KNG1: variants seen among roughly 807,000 people sequenced by gnomAD.
KNG1 encodes the protein kininogen-1.
Under a neutral mutation model 47.8 loss-of-function variants are expected in KNG1, and 23 were observed. The observed-to-expected ratio is 0.48, with a 90% CI of 0.35 to 0.68. The LOEUF (loss-of-function observed/expected upper bound fraction) is 0.68, where lower values mean the gene tolerates loss of function less well. Ranked by LOEUF, KNG1 falls within the 30% of genes least tolerant of loss-of-function variation. The pLI, the probability that KNG1 is intolerant of heterozygous loss-of-function variation, is 0.01. For missense variants in KNG1, 762 were observed against 790.2 expected, an observed-to-expected ratio of 0.96 and a Z score of 0.43; for synonymous variants, 277 against 277.0, an observed-to-expected ratio of 1.00 and a Z score of 0.00.
At chr3:186,734,136 T>C (rs954804083) in intron 7 of KNG1, among the ~76,000 whole-genome samples, 12 of 152,198 alleles carry the variant, frequency 7.9e-5, no homozygotes, top group African/African-American at 2.9e-4. Context: ...ATAATCCTCA[T>C]AATCTGGTGA....
intron 5 of KNG1, among the ~76,000 whole-genome samples, chr3:186,727,861 C>T (rs538466974): frequency 1.3e-5 from 2 of 152,110 alleles, no homozygotes; most frequent in Non-Finnish European, 2.9e-5. Context: ...CATGAGCCAC[C>T]GTGCCTGGCC....
rs189987075 is a variant in KNG1, at chr3:186,737,856, G to A, written c.931-1243G>A. Among the ~76,000 whole-genome samples, 7 of 151,018 alleles carry A rather than the reference G, an allele frequency of 4.6e-5. No homozygotes were observed. In the South Asian group the frequency reaches 1.3e-3, roughly 27 times the overall value. ...ATTACAGGCAGGAGCCACTATTCCCGGCCAACACATTTAAATACTATGATT... is the reference window on the plus strand; with the variant it reads ...ATTACAGGCAGGAGCCACTATTCCCAGCCAACACATTTAAATACTATGATT... On this transcript the variant is annotated intron_variant, in intron 7 of 9. Coordinates refer to ENST00000644859, the MANE Select transcript of KNG1 (RefSeq NM_001102416.3).
Position 186,742,011 on chromosome 3 carries a change from C to T in KNG1, c.1615C>T (p.Gln539Ter). 6.2e-7 allele frequency: 1 copy of T among 1,614,238 alleles called. No individual in the cohort carries two copies. The highest frequency in any genetic ancestry group is 8.5e-7 in the Non-Finnish European group (1 of 1,180,040). ...EDSTTPSAQT[Q>*]EKTEGPTPIP... Reference sequence around the variant, plus strand: ...CAGTACTACACCTTCTGCACAGACACAAGAGAAGACAGAAGGGCCAACACC... The same window carrying T: ...CAGTACTACACCTTCTGCACAGACATAAGAGAAGACAGAAGGGCCAACACC... Residue 539 changes from glutamine (Q) to a stop codon, truncating the protein, a stop_gained, in exon 10 of 10, where the codon CAA becomes TAA. Coordinates refer to ENST00000644859, the MANE Select transcript of KNG1 (RefSeq NM_001102416.3). LOFTEE classifies it low-confidence loss of function (END_TRUNC).
chr3:186,733,574 A>G (rs1403513726), intron 7 of KNG1, among the ~76,000 whole-genome samples: 1 of 152,016 alleles, frequency 6.6e-6, no homozygotes, highest in East Asian at 1.9e-4. Flanking sequence ...ACTCAGTTCC[A>G]CCATAGCATC....
At position 186,742,977 on chromosome 3, in the gene KNG1, G is replaced by GA; in HGVS notation, c.*646_*647insA. On this transcript the variant is annotated 3_prime_UTR_variant, in exon 10 of 10. Coordinates refer to ENST00000644859, the MANE Select transcript of KNG1 (RefSeq NM_001102416.3). The stretch of plus-strand genomic sequence containing the variant: ...CAGGTTGGCCAAAGGGAGGAAAGGG[G>GA]GGACATAAATTAATTGACTTTCTAT... 1 of 967,544 alleles carries GA rather than the reference G, an allele frequency of 1.0e-6. No homozygotes were observed. The highest frequency in any genetic ancestry group is 1.2e-6 in the Non-Finnish European group (1 of 813,952). The allele number at this position is 967,544 out of a possible 1,614,324, so 59.9% of individuals were successfully genotyped here.
At chr3:186,717,842 ACCAC>A (rs144954647) in intron 1 of KNG1, 105 bp downstream of exon 1, 200,678 of 656,512 alleles carry the variant, frequency 0.31, 32,877 homozygotes, top group South Asian at 0.4. Flanking sequence ...ACCCACCACC[ACCAC>A]CCACCACCCA....
At chr3:186,733,592 C>T (rs185053368) in intron 7 of KNG1, among the ~76,000 whole-genome samples, 2 of 152,292 alleles carry the variant, frequency 1.3e-5, no homozygotes, top group East Asian at 1.9e-4. Flanking sequence ...ATCTGCCGCT[C>T]ACATCCCAGA....
chr3:186,737,011 C>G (rs947655561), intron 7 of KNG1: 2 of 152,066 alleles, frequency 1.3e-5, no homozygotes, highest in African/African-American at 4.8e-5. Context: ...TCACTGCACT[C>G]CAGCCTGGGT....
chr3:186,725,401 A>AT, intron 4 of KNG1, 141 bp downstream of exon 4: 1 of 780,434 alleles, frequency 1.3e-6, no homozygotes, highest in Non-Finnish European at 2.2e-6. Flanking sequence ...AGTCAAAGTG[A>AT]GTCGGATAGT....
At position 186,743,756 on chromosome 3, in the gene KNG1, G is replaced by A. The variant is rs1235433229; in HGVS notation, c.*1425G>A. The A allele has an allele frequency of 5.0e-6, 8 of 1,614,072 alleles. No homozygotes were observed. In the African/African-American group the frequency reaches 1.1e-4, roughly 22 times the overall value. On this transcript the variant is annotated 3_prime_UTR_variant, in exon 10 of 10. Transcript: ENST00000644859. ...GGGTCGACCCCCAAAGGCAGGGGCAGAGCCAGCATCTGAGAGGGAGGTCTC... is the reference window on the plus strand; with the variant it reads ...GGGTCGACCCCCAAAGGCAGGGGCAAAGCCAGCATCTGAGAGGGAGGTCTC...
intron 2 of KNG1, 54 bp downstream of exon 2, chr3:186,720,269 AT>A: frequency 4.5e-6 from 5 of 1,117,998 alleles, no homozygotes; most frequent in Non-Finnish European, 6.8e-6. Flanking sequence ...ACCCTGCCAG[AT>A]TTTTTTACTG....
intron 2 of KNG1, chr3:186,722,222 C>T (rs1468720499): frequency 1.8e-6 from 1 of 542,012 alleles, no homozygotes; most frequent in Admixed American, 3.1e-5. Flanking sequence ...TTTACACTGT[C>T]TTTCCTCCAG....
At position 186,725,260 on chromosome 3, in the gene KNG1, G is replaced by T. The variant is rs1030600862; in HGVS notation, c.564G>T (p.Gln188His). 4.3e-6 allele frequency: 7 copies of T among 1,613,416 alleles called. No homozygotes were observed. The Admixed American group carries it at 1.2e-4, about 27-fold the overall frequency. The change falls in exon 4 of 10, where the codon CAG (glutamine) becomes CAT (histidine). Residue 188 changes from glutamine to histidine, a missense_variant and splice_region_variant. By Grantham distance (24) the Gln-to-His change is conservative. Transcript: ENST00000644859. The part of the protein sequence containing the change: ...MLNEVKRAQR[Q>H]VVAGLNFRIT... ...ATGAAGTAAAACGGGCCCAAAGACA[G>T]GTTTGTTCTTTAATTCTCTAAGTAG... is the stretch of plus-strand genomic sequence containing the variant.
rs1056472657 is a variant in KNG1, at chr3:186,725,214, A to G, written c.518A>G (p.His173Arg). The G allele has an allele frequency of 1.9e-6, 3 of 1,613,942 alleles. No individual in the cohort carries two copies. Among genetic ancestry groups the G allele is most frequent in the Non-Finnish European group, 2.5e-6 (3 of 1,180,004 alleles). ...CAGTACTTTAACAACAACACTCAAC[A>G]TTCCTCCCTCTTCATGCTTAATGAA... The part of the protein sequence containing the change: ...GIQYFNNNTQ[H>R]SSLFMLNEVK... Residue 173 changes from histidine (H) to arginine (R), a missense_variant, in exon 4 of 10, where the codon CAT (histidine) becomes CGT (arginine). Transcript: ENST00000644859.
intron 1 of KNG1, 74 bp downstream of exon 1, chr3:186,717,811 C>A: frequency 9.8e-7 from 1 of 1,024,636 alleles, no homozygotes; most frequent in Non-Finnish European, 1.5e-6. Context: ...CTCACACACA[C>A]ACACACATAC....
rs762703609 is a variant in KNG1 at position 186,739,425 on chromosome 3, A to G, written c.1125+11A>G. 1 of 1,562,070 alleles carries G rather than the reference A, an allele frequency of 6.4e-7. No individual in the cohort carries two copies. Among genetic ancestry groups the G allele is most frequent in the Non-Finnish European group, 8.8e-7 (1 of 1,132,500 alleles). On this transcript the variant is annotated intron_variant, in intron 9 of 9. Transcript: ENST00000644859. ...CAACCACTGGGAATGGTATGATTCT[A>G]ATTACAGTCAGCGTGGGGTCAGTTC...
At chr3:186,723,432 C>T (rs367872372) in intron 3 of KNG1, among the ~76,000 whole-genome samples, 17 of 152,174 alleles carry the variant, frequency 1.1e-4, no homozygotes, top group East Asian at 9.6e-4. Context: ...CCGCTTACCC[C>T]GCTCAGCCTC....
chr3:186,735,869 C>T (rs1387468363), intron 7 of KNG1: 1 of 152,288 alleles, frequency 6.6e-6, no homozygotes, highest in East Asian at 1.9e-4. Flanking sequence ...ACTCGAACTC[C>T]TGGGAGCAAG....
At position 186,741,761 on chromosome 3, in the gene KNG1, C is replaced by T. The variant is rs778049959; in HGVS notation, c.1365C>T (p.His455=). 7 of 1,614,180 alleles carry T rather than the reference C, an allele frequency of 4.3e-6. No individual in the cohort carries two copies. Among genetic ancestry groups the T allele is most frequent in the Non-Finnish European group, 5.9e-6 (7 of 1,180,038 alleles). The change falls in exon 10 of 10, where the codon CAC becomes CAT. Residue 455 remains histidine, a synonymous_variant. Coordinates refer to ENST00000644859, the MANE Select transcript of KNG1 (RefSeq NM_001102416.3). ...ATGAACGTGACCAAGGGCATGGGCA[C>T]CAAAGAGGACATGGCCTTGGCCATG... The part of the protein sequence containing the change: ...HKHERDQGHG[H]QRGHGLGHGH...
Sources: gnomAD v4.1 joint callset for allele counts (sites outside exome capture counted in the v4.1 genomes callset) on GRCh38, gnomAD v4.1.1 for gene constraint, MANE v1.5 for transcripts, NCBI Gene and HGNC (gene_info 2026-07-23, HGNC 2026-07-21) for gene names.